The following PLCXD3 variants were observed in gnomAD, a reference collection of about 807,000 sequenced individuals.
PLCXD3 encodes the protein PI-PLC X domain-containing protein 3.
A neutral mutation model predicts 25.5 loss-of-function variants in PLCXD3; 19 were observed. That is an observed-to-expected ratio of 0.75 (90% CI 0.52 to 1.09). The LOEUF (loss-of-function observed/expected upper bound fraction) is 1.09, where lower values mean the gene tolerates loss of function less well. Among genes scored for constraint, PLCXD3 ranks in the 50% least tolerant of loss-of-function variants. The pLI, the probability that PLCXD3 is intolerant of heterozygous loss-of-function variation, is 0.00. For synonymous variants in PLCXD3, 174 were observed against 137.6 expected, an observed-to-expected ratio of 1.26 and a Z score of -1.85; for missense variants, 411 against 388.1, an observed-to-expected ratio of 1.06 and a Z score of -0.50.
In PLCXD3 at chr5:41,410,284, C is replaced by T. The variant is rs189632797; in HGVS notation, c.104-27750G>A. ...CCTCCTGAGTAGCTGGGACTACAGG[C>T]GTGCGCCCCCACGCCTGGCTAATTT... On this transcript the variant is annotated intron_variant, in intron 1 of 2. Transcript: ENST00000377801. Among the ~76,000 whole-genome samples, 1,084 of 151,964 alleles carry T rather than the reference C, an allele frequency of 7.1e-3. 9 individuals carry two copies. Among genetic ancestry groups the T allele is most frequent in the African/African-American group, 0.025 (1,017 of 41,438 alleles).
rs192749101 is a variant in PLCXD3 at position 41,424,271 on chromosome 5, C to T, written c.104-41737G>A. The stretch of plus-strand genomic sequence containing the variant: ...AAGGTTGTGAATTTCTGGCTGGGCG[C>T]GGTGGCTCACGCCTGTAATCCCAGC... On this transcript the variant is annotated intron_variant, in intron 1 of 2. Transcript: ENST00000377801. 8.1e-3 allele frequency among the ~76,000 whole-genome samples: 1,231 copies of T among 151,716 alleles called. 21 individuals are homozygous for T. The highest frequency in any genetic ancestry group is 0.028 in the African/African-American group (1,155 of 41,374).
chr5:41,448,694 T>A (rs1273446530), intron 1 of PLCXD3, among the ~76,000 whole-genome samples: 1 of 152,154 alleles, frequency 6.6e-6, no homozygotes, highest in Admixed American at 6.6e-5. Context: ...CCCTACCTCT[T>A]TTTTCACCAA....
chr5:41,440,627 A>T (rs1353412845), intron 1 of PLCXD3, among the ~76,000 whole-genome samples: 9 of 152,132 alleles, frequency 5.9e-5, no homozygotes, highest in Non-Finnish European at 1.2e-4. Flanking sequence ...CTATAAGTCT[A>T]TGTATATATG....
intron 1 of PLCXD3, among the ~76,000 whole-genome samples, chr5:41,467,343 TATG>T (rs1165760045): frequency 3.3e-5 from 5 of 152,178 alleles, no homozygotes; most frequent in Non-Finnish European, 7.4e-5. Context: ...TGGCCATTCA[TATG>T]ATTTCTTTTG....
chr5:41,378,122 G>A (rs1275453276), intron 2 of PLCXD3, among the ~76,000 whole-genome samples: 2 of 152,094 alleles, frequency 1.3e-5, no homozygotes, highest in East Asian at 1.9e-4. Flanking sequence ...GTTCTGGGGA[G>A]TCAAGTGCTC....
At chr5:41,477,613 C>G (rs985272948) in intron 1 of PLCXD3, among the ~76,000 whole-genome samples, 2 of 151,998 alleles carry the variant, frequency 1.3e-5, no homozygotes, top group Non-Finnish European at 1.5e-5. Flanking sequence ...ATCTCCAGCC[C>G]CCTTACACCA....
At chr5:41,489,452 T>A (rs943112308) in intron 1 of PLCXD3, among the ~76,000 whole-genome samples, 1 of 152,182 alleles carries the variant, frequency 6.6e-6, no homozygotes, top group African/African-American at 2.4e-5. Context: ...AGTAGTTTTT[T>A]CCAATTCTGT....
At position 41,408,845 on chromosome 5, in the gene PLCXD3, C is replaced by T. The variant is rs373638800; in HGVS notation, c.104-26311G>A. On this transcript the variant is annotated intron_variant, in intron 1 of 2. Coordinates refer to ENST00000377801, the MANE Select transcript of PLCXD3 (RefSeq NM_001005473.3). ...GATCACCCTTCCAAATGTAGTGAGT[C>T]AGGGAGAAGGATGAATCAAGGATGA... Among the ~76,000 whole-genome samples the T allele has an allele frequency of 3.3e-5, 5 of 152,128 alleles. No individual in the cohort carries two copies. In the South Asian group the frequency reaches 1.0e-3, roughly 32 times the overall value.
chr5:41,370,908 A>G (rs1261940523), intron 2 of PLCXD3, among the ~76,000 whole-genome samples: 1 of 152,208 alleles, frequency 6.6e-6, no homozygotes, highest in Non-Finnish European at 1.5e-5. Context: ...AATTCCCTTT[A>G]CAAAGAACTA....
chr5:41,351,770 C>T (rs374706016), intron 2 of PLCXD3, among the ~76,000 whole-genome samples: 2 of 152,260 alleles, frequency 1.3e-5, no homozygotes, highest in South Asian at 4.1e-4. Context: ...AGTACTATTG[C>T]CTATCATAGA....
chr5:41,491,124 GGC>G lies in PLCXD3; in HGVS notation c.103+19298_103+19299del, dbSNP rs1748658522. Among the ~76,000 whole-genome samples the G allele has an allele frequency of 4.6e-5, 7 of 152,242 alleles. No individual in the cohort carries two copies. The East Asian group carries it at 7.7e-4, about 17-fold the overall frequency. ...GCTTTGAATGTGTCCCAGAGATTGT[GGC>G]ATGTTGTGTCTTTGTTCTCATTGGT... is the stretch of plus-strand genomic sequence containing the variant. On this transcript the variant is annotated intron_variant, in intron 1 of 2. Coordinates refer to ENST00000377801, the MANE Select transcript of PLCXD3 (RefSeq NM_001005473.3).
intron 2 of PLCXD3, among the ~76,000 whole-genome samples, chr5:41,334,507 C>A (rs1743924185): frequency 6.6e-6 from 1 of 152,122 alleles, no homozygotes; most frequent in South Asian, 2.1e-4. Context: ...TGGATGTTTT[C>A]AGTTTTCCAA....
chr5:41,463,533 A>C (rs2150517685), intron 1 of PLCXD3, among the ~76,000 whole-genome samples: 1 of 152,126 alleles, frequency 6.6e-6, no homozygotes, highest in African/African-American at 2.4e-5. Context: ...TTCAATCCAT[A>C]ACACCACTTT....
At chr5:41,352,410 G>T (rs1744490596) in intron 2 of PLCXD3, among the ~76,000 whole-genome samples, 1 of 152,080 alleles carries the variant, frequency 6.6e-6, no homozygotes, top group Non-Finnish European at 1.5e-5. Context: ...TTCTTTGTGA[G>T]GTTTTTCTGG....
intron 2 of PLCXD3, among the ~76,000 whole-genome samples, chr5:41,367,567 A>C (rs925301552): frequency 3.0e-4 from 46 of 152,086 alleles, no homozygotes; most frequent in African/African-American, 1.1e-3. Context: ...TAGATTGCAA[A>C]ACTTTTCTCC....
At chr5:41,393,901 G>A (rs1745916432) in intron 1 of PLCXD3, among the ~76,000 whole-genome samples, 1 of 152,116 alleles carries the variant, frequency 6.6e-6, no homozygotes, top group African/African-American at 2.4e-5. Context: ...CTACACTCCA[G>A]TCTGGGTGAC....
intron 1 of PLCXD3, among the ~76,000 whole-genome samples, chr5:41,486,773 TATC>T: frequency 6.6e-6 from 1 of 152,204 alleles, no homozygotes. Flanking sequence ...CTATGTATAT[TATC>T]CTCTTGAATT....
At chr5:41,319,403 C>G (rs1229858470) in intron 2 of PLCXD3, among the ~76,000 whole-genome samples, 1 of 152,096 alleles carries the variant, frequency 6.6e-6, no homozygotes, top group African/African-American at 2.4e-5. Flanking sequence ...TAAGTAATAT[C>G]AAACATCTTC....
intron 1 of PLCXD3, among the ~76,000 whole-genome samples, chr5:41,461,562 C>G: frequency 6.6e-6 from 1 of 152,004 alleles, no homozygotes. Context: ...CACTGCCTCA[C>G]TTGTTAACCT....
Sources: allele counts gnomAD v4.1 joint callset (sites outside exome capture counted in the v4.1 genomes callset), GRCh38; gene constraint gnomAD v4.1.1; transcripts MANE v1.5; gene names NCBI Gene and HGNC (gene_info 2026-07-23, HGNC 2026-07-21).